C4orf50: variants seen among roughly 807,000 people sequenced by gnomAD.
The protein encoded by C4orf50 is uncharacterized protein C4orf50.
C4orf50 carries 80 observed loss-of-function variants against 77.2 expected under a neutral mutation model. The ratio of observed to expected loss-of-function variants is 1.04; its 90% confidence interval spans 0.87 to 1.25. C4orf50 has a LOEUF of 1.25. Ranked by LOEUF, C4orf50 falls within the 50% of genes most tolerant of loss-of-function variation. The pLI, the probability that C4orf50 is intolerant of heterozygous loss-of-function variation, is 0.00. For missense variants in C4orf50, 1,257 were observed against 1,152.9 expected, an observed-to-expected ratio of 1.09 and a Z score of -1.31; for synonymous variants, 532 against 465.3, an observed-to-expected ratio of 1.14 and a Z score of -1.84.
chr4:5,924,715 T>G (rs919573938), intron 7 of C4orf50, among the ~76,000 whole-genome samples: 1 of 152,120 alleles, frequency 6.6e-6, no homozygotes, highest in Non-Finnish European at 1.5e-5. Context: ...TGAGATCAAG[T>G]TCCACGTGGA....
chr4:5,979,502 G>A (rs1464168924), intron 29 of C4orf50, among the ~76,000 whole-genome samples: 1 of 152,218 alleles, frequency 6.6e-6, no homozygotes, highest in Non-Finnish European at 1.5e-5. Flanking sequence ...AAAGTGGGTG[G>A]TAGAGTTGAA....
rs766423828 is a variant in C4orf50, at chr4:5,980,328, G to A, written c.3710C>T (p.Ser1237Leu). Reference sequence around the variant, plus strand: ...ATCCTCCTCAGTAACCTCGGCCTCTGAGTCCCGGAGCTGCGGAAATCACAG... The same window carrying A: ...ATCCTCCTCAGTAACCTCGGCCTCTAAGTCCCGGAGCTGCGGAAATCACAG... The change falls in exon 29 of 34, where the codon TCA (serine) becomes TTA (leucine). Residue 1237 changes from serine (S) to leucine (L), a missense_variant. Coordinates refer to ENST00000531445, the Ensembl canonical transcript of C4orf50. 4.3e-6 allele frequency: 7 copies of A among 1,610,306 alleles called. No individual in the cohort carries two copies. In the South Asian group the frequency reaches 5.5e-5, roughly 13 times the overall value.
In C4orf50 at chr4:5,958,838, A is replaced by AAAAAC. The variant is rs375420993; in HGVS notation, c.*532_*536dup. On this transcript the variant is annotated 3_prime_UTR_variant, in exon 34 of 34. Transcript: ENST00000531445. The surrounding 1 kb of genome is among the most constrained non-coding windows in gnomAD (Gnocchi z 5.4). ...ATGGGAAGGACCCCGGGGGCAGAGA[A>AAAAAC]AAAACAAAACAAAACAATTCTCCAT... The AAAAAC allele has an allele frequency of 6.6e-6, 1 of 152,488 alleles. No individual in the cohort carries two copies. Among genetic ancestry groups the AAAAAC allele is most frequent in the Admixed American group, 6.5e-5 (1 of 15,298 alleles). 9.4% of individuals were successfully genotyped at this position (152,488 alleles called of 1,614,324 possible).
At chr4:5,997,982 A>T (rs1721670821) in intron 25 of C4orf50, among the ~76,000 whole-genome samples, 1 of 152,252 alleles carries the variant, frequency 6.6e-6, no homozygotes, top group Non-Finnish European at 1.5e-5. Flanking sequence ...TACCAACTAT[A>T]AGCAGAGCTG....
At chr4:6,006,987 T>C (rs1722275806) in intron 25 of C4orf50, among the ~76,000 whole-genome samples, 1 of 152,208 alleles carries the variant, frequency 6.6e-6, no homozygotes, top group Non-Finnish European at 1.5e-5. Flanking sequence ...GGACTGGACT[T>C]CACAAGCACA....
In C4orf50 at chr4:5,974,029, C is replaced by T. The variant is rs142453258; in HGVS notation, c.3922-188G>A. ...GAAGCCAGGCTGCTTTCGGAGCAGA[C>T]GGCCACACACCCCCAGGGGCTCCGC... is the stretch of plus-strand genomic sequence containing the variant. On this transcript the variant is annotated intron_variant, in intron 30 of 33. Coordinates refer to ENST00000531445, the Ensembl canonical transcript of C4orf50. 3.5e-3 allele frequency among the ~76,000 whole-genome samples: 529 copies of T among 152,328 alleles called. 6 individuals carry two copies. Among genetic ancestry groups the T allele is most frequent in the African/African-American group, 0.011 (478 of 41,576 alleles).
At chr4:5,996,571 G>A (rs1721599613) in intron 25 of C4orf50, among the ~76,000 whole-genome samples, 1 of 152,056 alleles carries the variant, frequency 6.6e-6, no homozygotes, top group Non-Finnish European at 1.5e-5. Flanking sequence ...TCCCCTTCTG[G>A]GACCTGCTTA....
In C4orf50 at chr4:5,992,827, G is replaced by A. The variant is rs1721366538; in HGVS notation, c.1197C>T (p.Asp399=). 15 of 399,144 alleles carry A rather than the reference G, an allele frequency of 3.8e-5. No individual in the cohort carries two copies. The East Asian group carries it at 5.3e-4, about 14-fold the overall frequency. The allele number at this position is 399,144 out of a possible 1,614,324, so 24.7% of individuals were successfully genotyped here. ...CCTGTTCACGGTTGGATCCGGCCAG[G>A]TCTCTGGGGAGCTCGCTTGTGGTCT... Residue 399 remains aspartate, a synonymous_variant, in exon 27 of 34, where the codon GAC becomes GAT. Transcript: ENST00000531445. The surrounding 1 kb of genome is among the most constrained non-coding windows in gnomAD (Gnocchi z 5.0).
At chr4:5,988,457 T>C in exon 28 of C4orf50, 1 of 1,583,024 alleles carries the variant, frequency 6.3e-7, no homozygotes, top group Non-Finnish European at 8.6e-7. Context: ...CCACTGACAT[T>C]TCCTTGCAGG....
At chr4:5,924,555 G>A (rs1717426984) in intron 7 of C4orf50, among the ~76,000 whole-genome samples, 1 of 152,170 alleles carries the variant, frequency 6.6e-6, no homozygotes, top group African/African-American at 2.4e-5. Flanking sequence ...CCCCGAGCAT[G>A]AGCCGCTGTG....
intron 23 of C4orf50, among the ~76,000 whole-genome samples, chr4:6,016,897 G>C (rs1722704094): frequency 6.6e-6 from 1 of 152,198 alleles, no homozygotes; most frequent in South Asian, 2.1e-4. Flanking sequence ...AAATGGGGAA[G>C]TCCCGCAAAA....
In C4orf50 at chr4:5,902,681, G is replaced by A. The variant is rs138925703; in HGVS notation, c.*2475-4493C>T. 20 of 152,268 alleles carry A rather than the reference G, an allele frequency of 1.3e-4. No individual in the cohort carries two copies. The East Asian group carries it at 3.7e-3, about 28-fold the overall frequency. The allele number at this position is 152,268 out of a possible 1,614,324, so 9.4% of individuals were successfully genotyped here. Reference sequence around the variant, plus strand: ...CAAATGAGAAAACAGATCCCCAGACGCTAGGTTGCCTGACATGGCCTGTGC... The same window carrying A: ...CAAATGAGAAAACAGATCCCCAGACACTAGGTTGCCTGACATGGCCTGTGC... On this transcript the variant is annotated intron_variant, in intron 7 of 7. Transcript: ENST00000324058.
At chr4:5,967,684 C>G (rs1367399653) in intron 31 of C4orf50, among the ~76,000 whole-genome samples, 1 of 151,606 alleles carries the variant, frequency 6.6e-6, no homozygotes, top group African/African-American at 2.4e-5. Flanking sequence ...AACATGGGCA[C>G]AAAAAAACGA....
chr4:5,937,978 T>C (rs1408008382), intron 7 of C4orf50, among the ~76,000 whole-genome samples: 1 of 152,174 alleles, frequency 6.6e-6, no homozygotes, highest in African/African-American at 2.4e-5. Context: ...GTTGGGTATT[T>C]AAACACATCT....
At position 5,991,725 on chromosome 4, in the gene C4orf50, G is replaced by T. The variant is rs542802043; in HGVS notation, c.1222-901C>A. Among the ~76,000 whole-genome samples the T allele has an allele frequency of 3.9e-5, 6 of 152,260 alleles. No individual in the cohort carries two copies. In the East Asian group the frequency reaches 1.2e-3, roughly 30 times the overall value. ...GGCTGAGCAGGTCTAAGACACAGAA[G>T]AGAAGGACAGAGGGAGCATCTCAAA... is the stretch of plus-strand genomic sequence containing the variant. On this transcript the variant is annotated intron_variant, in intron 27 of 33. Coordinates refer to ENST00000531445, the Ensembl canonical transcript of C4orf50.
intron 29 of C4orf50, among the ~76,000 whole-genome samples, chr4:5,977,813 A>T (rs1282446414): frequency 1.3e-5 from 2 of 152,244 alleles, no homozygotes; most frequent in Admixed American, 1.3e-4. Context: ...AAATAACATA[A>T]ATATGCCACA....
At chr4:5,922,724 G>A (rs73210711) in intron 7 of C4orf50, among the ~76,000 whole-genome samples, 4,879 of 152,278 alleles carry the variant, frequency 0.032, 178 homozygotes, top group African/African-American at 0.084. Flanking sequence ...AGCCTGCAGC[G>A]GCCCTCGTGG....
intron 23 of C4orf50, among the ~76,000 whole-genome samples, chr4:6,013,790 C>T (rs1027632930): frequency 2.6e-5 from 4 of 152,172 alleles, no homozygotes; most frequent in Non-Finnish European, 5.9e-5. Context: ...TGGATTTCCC[C>T]TCCAGCCTCG....
At chr4:5,953,754 C>T (rs551331006), downstream of C4orf50, among the ~76,000 whole-genome samples, 1 of 152,318 alleles carries the variant, frequency 6.6e-6, no homozygotes, top group South Asian at 2.1e-4. Flanking sequence ...CCACAGGCTG[C>T]TGACTCAGCA....
Sources: gnomAD v4.1 joint callset for allele counts (sites outside exome capture counted in the v4.1 genomes callset) on GRCh38, gnomAD v4.1.1 for gene constraint, Gnocchi (gnomAD v3.1) non-coding constraint, MANE v1.5 for transcripts, NCBI Gene and HGNC (gene_info 2026-07-23, HGNC 2026-07-21) for gene names.